The following EPHA6 variants were observed in gnomAD, a reference collection of about 807,000 sequenced individuals.
The protein encoded by EPHA6 is ephrin type-A receptor 6.
EPHA6 carries 50 observed loss-of-function variants against 112.0 expected under a neutral mutation model. The observed-to-expected ratio is 0.45, with a 90% confidence interval of 0.36 to 0.56. EPHA6 has a LOEUF of 0.56. Among genes scored for constraint, EPHA6 ranks in the 20% least tolerant of loss-of-function variants. The probability of loss-of-function intolerance (pLI) is 0.00; values close to 1 mark genes in which losing one functional copy is unlikely to be tolerated. For missense variants in EPHA6, 1,280 were observed against 1,417.4 expected (o/e 0.90, Z 1.56); for synonymous variants, 529 against 490.7 (o/e 1.08, Z -1.03).
chr3:97,735,226 T>C (rs765162984), intron 15 of EPHA6, among the ~76,000 whole-genome samples: 11 of 152,042 alleles, frequency 7.2e-5, no homozygotes, highest in Non-Finnish European at 1.3e-4. Flanking sequence ...AAGGGAACAT[T>C]TCTGTCATCA....
At chr3:96,943,149 A>C (rs1344682219) in intron 2 of EPHA6, among the ~76,000 whole-genome samples, 1 of 152,176 alleles carries the variant, frequency 6.6e-6, no homozygotes, top group African/African-American at 2.4e-5. Flanking sequence ...TCCGTGTTGC[A>C]GCAAATGACA....
rs532403721 is a variant in EPHA6, at chr3:97,553,726, C to A, written c.2386+21183C>A. 5.3e-5 allele frequency among the ~76,000 whole-genome samples: 8 copies of A among 152,188 alleles called. No individual in the cohort carries two copies. The South Asian group carries it at 1.4e-3, about 28-fold the overall frequency. The stretch of plus-strand genomic sequence containing the variant: ...TTTGGGTGGGGACATAGAGTCAAAC[C>A]ATATCACATTGTATCCTGATGGATG... On this transcript the variant is annotated intron_variant, in intron 11 of 17. Transcript: ENST00000389672.
At chr3:97,610,092 A>C (rs1415254580) in intron 12 of EPHA6, among the ~76,000 whole-genome samples, 1 of 151,586 alleles carries the variant, frequency 6.6e-6, no homozygotes, top group East Asian at 1.9e-4. Flanking sequence ...AAATATGTTC[A>C]GTTTCTGATC....
rs532109394 is a variant in EPHA6, at chr3:97,140,652, G to T, written c.1115-85612G>T. Among the ~76,000 whole-genome samples, 3 of 152,190 alleles carry T rather than the reference G, an allele frequency of 2.0e-5. No individual in the cohort carries two copies. The South Asian group carries it at 6.2e-4, about 32-fold the overall frequency. On this transcript the variant is annotated intron_variant, in intron 3 of 17. Coordinates refer to ENST00000389672, the MANE Select transcript of EPHA6 (RefSeq NM_001080448.3). ...ATGCTAAGGGAATTTGTCACTACTA[G>T]ACTGGCACTACAAGAAGAGCTCAAA...
chr3:97,616,541 T>A (rs993000833), intron 13 of EPHA6, among the ~76,000 whole-genome samples: 1 of 152,094 alleles, frequency 6.6e-6, no homozygotes, highest in Non-Finnish European at 1.5e-5. Flanking sequence ...TGATAAAACA[T>A]TGCAGGAGCT....
intron 4 of EPHA6, among the ~76,000 whole-genome samples, chr3:97,231,579 AGGG>A (rs1291624107): frequency 1.3e-5 from 2 of 152,156 alleles, no homozygotes; most frequent in African/African-American, 4.8e-5. Context: ...CCCTCTTTGT[AGGG>A]GAAAGGAAAT....
At chr3:97,627,368 G>T (rs112886541) in intron 13 of EPHA6, among the ~76,000 whole-genome samples, 1 of 151,772 alleles carries the variant, frequency 6.6e-6, no homozygotes, top group East Asian at 1.9e-4. Context: ...GGAGTTGAGA[G>T]TGGGTTTCAG....
At chr3:97,300,534 A>G (rs2081052456) in intron 5 of EPHA6, among the ~76,000 whole-genome samples, 1 of 152,166 alleles carries the variant, frequency 6.6e-6, no homozygotes, top group African/African-American at 2.4e-5. Flanking sequence ...GCAGTGGATC[A>G]ACCTTGGTAA....
chr3:97,319,613 T>C (rs1451881729), intron 5 of EPHA6, among the ~76,000 whole-genome samples: 1 of 146,620 alleles, frequency 6.8e-6, no homozygotes, highest in African/African-American at 2.6e-5. Context: ...GAGGTTGCAG[T>C]GAGCCCAGAT....
At chr3:97,684,304 C>T (rs2032089252) in intron 14 of EPHA6, among the ~76,000 whole-genome samples, 1 of 151,984 alleles carries the variant, frequency 6.6e-6, no homozygotes, top group Non-Finnish European at 1.5e-5. Context: ...GTTAACAAAG[C>T]TTAAGATTTA....
At chr3:97,032,351 T>A (rs2044892193) in intron 3 of EPHA6, among the ~76,000 whole-genome samples, 1 of 152,008 alleles carries the variant, frequency 6.6e-6, no homozygotes, top group Non-Finnish European at 1.5e-5. Context: ...TAATGCTAAA[T>A]GACGAGTTAA....
At chr3:97,392,751 A>AT (rs1167156885) in intron 5 of EPHA6, among the ~76,000 whole-genome samples, 1 of 151,618 alleles carries the variant, frequency 6.6e-6, no homozygotes, top group Admixed American at 6.6e-5. Context: ...AGTTAAAATG[A>AT]TTTTAGTCAT....
chr3:97,251,423 G>T (rs1171216256), intron 5 of EPHA6, among the ~76,000 whole-genome samples: 1 of 151,830 alleles, frequency 6.6e-6, no homozygotes, highest in Non-Finnish European at 1.5e-5. Context: ...CCAGCTACTC[G>T]GGAGGCTGAA....
intron 5 of EPHA6, among the ~76,000 whole-genome samples, chr3:97,384,973 T>G (rs2085975344): frequency 6.6e-6 from 1 of 152,160 alleles, no homozygotes; most frequent in South Asian, 2.1e-4. Flanking sequence ...AGGCCTGATT[T>G]GCAGTGTTTA....
intron 13 of EPHA6, among the ~76,000 whole-genome samples, chr3:97,622,268 C>A (rs2093819932): frequency 6.6e-6 from 1 of 151,828 alleles, no homozygotes; most frequent in Non-Finnish European, 1.5e-5. Flanking sequence ...CTTCCCCCAG[C>A]CCCTGGCAAA....
At position 97,759,890 on chromosome 3, in the gene EPHA6, T is replaced by C. The variant is rs1261850452; in HGVS notation, c.*11189T>C. ...ACATCTTATTGGAAGACCCGAAACT[T>C]TGAATTCTGTGGTTTCCAAGGACTC... On this transcript the variant is annotated 3_prime_UTR_variant, in exon 18 of 18. Coordinates refer to ENST00000389672, the MANE Select transcript of EPHA6 (RefSeq NM_001080448.3). The C allele has an allele frequency of 9.9e-6, 2 of 201,224 alleles. No individual in the cohort carries two copies. The highest frequency in any genetic ancestry group is 2.0e-5 in the Non-Finnish European group (2 of 97,668). 12.5% of individuals were successfully genotyped at this position (201,224 alleles called of 1,614,324 possible). A position where few individuals can be genotyped will look rare whatever the true frequency, so the allele number is the denominator to read the frequency against.
chr3:97,246,684 C>T (rs2078996167), intron 5 of EPHA6, among the ~76,000 whole-genome samples: 2 of 151,436 alleles, frequency 1.3e-5, no homozygotes, highest in Non-Finnish European at 3.0e-5. Context: ...TTTGAAAGTA[C>T]ATAAAGGTCC....
At chr3:97,466,287 C>T (rs780932896) in intron 7 of EPHA6, 1 of 1,356,196 alleles carries the variant, frequency 7.4e-7, no homozygotes, top group Admixed American at 1.7e-5. Context: ...AAAACATTCC[C>T]CTCAAGCAAC....
chr3:97,142,815 A>G (rs1350562232), intron 3 of EPHA6, among the ~76,000 whole-genome samples: 2 of 151,962 alleles, frequency 1.3e-5, no homozygotes, highest in Admixed American at 6.6e-5. Flanking sequence ...CAAAGTAGAC[A>G]TTGAAGGAAT....
Sources: allele counts gnomAD v4.1 joint callset (sites outside exome capture counted in the v4.1 genomes callset), GRCh38; gene constraint gnomAD v4.1.1; transcripts MANE v1.5; gene names NCBI Gene and HGNC (gene_info 2026-07-23, HGNC 2026-07-21).